CSMD1: variants seen among roughly 807,000 people sequenced by gnomAD.
CSMD1 encodes CUB and Sushi multiple domains 1.
In CSMD1, 213 loss-of-function variants were observed where a neutral mutation model predicts 417.5. The observed-to-expected ratio is 0.51, with a 90% CI of 0.46 to 0.57. CSMD1 has a LOEUF of 0.57. Among genes scored for constraint, CSMD1 ranks in the 20% least tolerant of loss-of-function variants. The pLI is 0.00. For synonymous variants in CSMD1, 2,862 were observed against 1,736.8 expected (o/e 1.65, Z -16.11); for missense variants, 6,923 against 4,529.7 (o/e 1.53, Z -15.17).
chr8:4,784,859 T>C (rs757610491), intron 1 of CSMD1, among the ~76,000 whole-genome samples: 1 of 152,216 alleles, frequency 6.6e-6, no homozygotes, highest in Non-Finnish European at 1.5e-5. Flanking sequence ...CCATTAAAAC[T>C]AAATTTGCTG....
At chr8:4,684,383 C>T (rs1012129602) in intron 1 of CSMD1, among the ~76,000 whole-genome samples, 2 of 152,222 alleles carry the variant, frequency 1.3e-5, no homozygotes, top group Admixed American at 1.3e-4. Context: ...AAGAAACTTA[C>T]TCATCAAATT....
intron 33 of CSMD1, among the ~76,000 whole-genome samples, chr8:3,193,199 C>T (rs2129051811): frequency 6.6e-6 from 1 of 152,140 alleles, no homozygotes; most frequent in South Asian, 2.1e-4. Flanking sequence ...TTTCCAAGTT[C>T]CCAAAATGAG....
At chr8:4,828,098 A>G (rs998934600) in intron 1 of CSMD1, among the ~76,000 whole-genome samples, 3 of 152,154 alleles carry the variant, frequency 2.0e-5, no homozygotes, top group Admixed American at 6.5e-5. Flanking sequence ...CTTTTTTGAC[A>G]AAGGTATACA....
intron 1 of CSMD1, among the ~76,000 whole-genome samples, chr8:4,873,666 G>C (rs902418800): frequency 3.3e-5 from 5 of 152,146 alleles, no homozygotes; most frequent in African/African-American, 1.2e-4. Context: ...TATCCATTCA[G>C]TAAACACTTA....
chr8:3,761,375 C>T (rs555454964), intron 5 of CSMD1, among the ~76,000 whole-genome samples: 67 of 151,514 alleles, frequency 4.4e-4, no homozygotes, highest in African/African-American at 1.6e-3. Flanking sequence ...TTTGTGCACA[C>T]GTATATACTA....
intron 1 of CSMD1, among the ~76,000 whole-genome samples, chr8:4,776,069 G>A (rs1585080377): frequency 2.0e-5 from 3 of 152,228 alleles, no homozygotes; most frequent in Admixed American, 2.0e-4. Flanking sequence ...GGAAATGAGT[G>A]TTTGGATCTC....
At chr8:3,240,244 G>C (rs552878860) in intron 26 of CSMD1, among the ~76,000 whole-genome samples, 61 of 152,252 alleles carry the variant, frequency 4.0e-4, no homozygotes, top group Non-Finnish European at 7.1e-4. Context: ...ATGAGACAGG[G>C]AGAGCTAGGA....
intron 10 of CSMD1, among the ~76,000 whole-genome samples, chr8:3,561,458 G>A (rs1006991205): frequency 1.3e-5 from 2 of 148,600 alleles, no homozygotes; most frequent in African/African-American, 2.4e-5. Context: ...ATCATAAAAT[G>A]ATACATTTCT....
At chr8:3,378,650 C>G (rs1810457495) in intron 18 of CSMD1, among the ~76,000 whole-genome samples, 1 of 152,140 alleles carries the variant, frequency 6.6e-6, no homozygotes, top group South Asian at 2.1e-4. Context: ...ACAAAAACCA[C>G]ATGATTATCT....
At chr8:3,948,864 A>G (rs890117496) in intron 5 of CSMD1, among the ~76,000 whole-genome samples, 4 of 152,138 alleles carry the variant, frequency 2.6e-5, no homozygotes, top group Admixed American at 2.0e-4. Context: ...CAATGTTCTC[A>G]TTATTCAGAA....
At chr8:4,305,500 T>A (rs1042289030) in intron 3 of CSMD1, among the ~76,000 whole-genome samples, 2 of 152,186 alleles carry the variant, frequency 1.3e-5, no homozygotes, top group African/African-American at 4.8e-5. Flanking sequence ...AGGCACTGCT[T>A]TCCCTGAGGG....
At chr8:3,904,005 C>A (rs1186931691) in intron 5 of CSMD1, among the ~76,000 whole-genome samples, 1 of 151,546 alleles carries the variant, frequency 6.6e-6, no homozygotes. Context: ...TCCTACCGTC[C>A]TATCTGCCTA....
At chr8:4,124,019 C>CT (rs905792907) in intron 3 of CSMD1, among the ~76,000 whole-genome samples, 19 of 150,676 alleles carry the variant, frequency 1.3e-4, no homozygotes, top group Middle Eastern at 3.5e-3. Context: ...GATTATCTAA[C>CT]TTTTTTTTTT....
At chr8:4,948,726 T>A (rs950455409) in intron 1 of CSMD1, among the ~76,000 whole-genome samples, 1 of 152,132 alleles carries the variant, frequency 6.6e-6, no homozygotes, top group African/African-American at 2.4e-5. Flanking sequence ...TGTAGGCATC[T>A]GTACCATTTA....
intron 2 of CSMD1, among the ~76,000 whole-genome samples, chr8:4,621,468 T>C (rs549163289): frequency 2.8e-4 from 42 of 152,194 alleles, no homozygotes; most frequent in African/African-American, 1.0e-3. Context: ...CAAGTGGATA[T>C]CTTGAAAAAC....
intron 1 of CSMD1, among the ~76,000 whole-genome samples, chr8:4,947,613 C>T (rs1031166240): frequency 6.6e-5 from 10 of 152,166 alleles, no homozygotes; most frequent in African/African-American, 1.9e-4. Flanking sequence ...TGTAAACTTA[C>T]GGCATTCTTC....
chr8:4,164,038 T>A (rs953503552), intron 3 of CSMD1, among the ~76,000 whole-genome samples: 2 of 152,194 alleles, frequency 1.3e-5, no homozygotes, highest in East Asian at 3.9e-4. Flanking sequence ...TTGGTACATG[T>A]GTCATTCCCT....
intron 3 of CSMD1, among the ~76,000 whole-genome samples, chr8:4,118,768 T>C (rs1175635223): frequency 1.3e-5 from 2 of 152,204 alleles, no homozygotes; most frequent in Non-Finnish European, 2.9e-5. Flanking sequence ...ATATGAATCG[T>C]TCTACTATAA....
In CSMD1 at chr8:3,980,435, C is replaced by A. The variant is rs554139662; in HGVS notation, c.818+17468G>T. Among the ~76,000 whole-genome samples, 4 of 152,276 alleles carry A rather than the reference C, an allele frequency of 2.6e-5. No homozygotes were observed. In the East Asian group the frequency reaches 7.7e-4, roughly 29 times the overall value. ...TTCCCACTTCTATGGTCAGGGAAATCTTCACATCTTACACGTTTGTGAAGA... is the reference window on the plus strand; with the variant it reads ...TTCCCACTTCTATGGTCAGGGAAATATTCACATCTTACACGTTTGTGAAGA... On this transcript the variant is annotated intron_variant, in intron 5 of 69. Transcript: ENST00000635120.
Sources: allele counts gnomAD v4.1 joint callset (sites outside exome capture counted in the v4.1 genomes callset), GRCh38; gene constraint gnomAD v4.1.1; transcripts MANE v1.5; gene names NCBI Gene and HGNC (gene_info 2026-07-23, HGNC 2026-07-21).